The following SMOC1 variants were observed in gnomAD, a reference collection of about 807,000 sequenced individuals.
SMOC1 encodes SPARC-related modular calcium-binding protein 1.
A neutral mutation model predicts 56.3 loss-of-function variants in SMOC1; 22 were observed. The observed-to-expected ratio is 0.39, with a 90% CI of 0.28 to 0.56. The LOEUF is 0.56. Among genes scored for constraint, SMOC1 ranks in the 20% least tolerant of loss-of-function variants. The pLI is 0.61. For synonymous variants in SMOC1, 193 were observed against 215.0 expected, an observed-to-expected ratio of 0.90 and a Z score of 0.89; for missense variants, 509 against 565.4, an observed-to-expected ratio of 0.90 and a Z score of 1.01.
intron 3 of SMOC1, among the ~76,000 whole-genome samples, chr14:69,954,643 C>G (rs1467705323): frequency 6.6e-6 from 1 of 152,116 alleles, no homozygotes; most frequent in Non-Finnish European, 1.5e-5. Flanking sequence ...AAGGTGCTGT[C>G]CTGATGAAAG....
intron 10 of SMOC1, among the ~76,000 whole-genome samples, chr14:70,022,682 CTG>C (rs1885770435): frequency 6.6e-6 from 1 of 152,234 alleles, no homozygotes; most frequent in African/African-American, 2.4e-5. Flanking sequence ...CTTTTTGGCT[CTG>C]TCTCATAGAG....
rs1883568480 is a variant in SMOC1 at position 69,879,475 on chromosome 14, C to T, written c.-204C>T. 8 of 415,206 alleles carry T rather than the reference C, an allele frequency of 1.9e-5. No individual in the cohort carries two copies. In the South Asian group the frequency reaches 5.4e-4, roughly 28 times the overall value. The allele number at this position is 415,206 out of a possible 1,614,324, so 25.7% of individuals were successfully genotyped here. ...AGCGGAGCTAGCGCCGCGCGCAGAG[C>T]ACACGCTCGCGCTCCAGCTCCCCTC... On this transcript the variant is annotated 5_prime_UTR_variant, in exon 1 of 12. Coordinates refer to ENST00000361956, the MANE Select transcript of SMOC1 (RefSeq NM_001034852.3).
intron 7 of SMOC1, among the ~76,000 whole-genome samples, chr14:70,008,886 C>T (rs1885237025): frequency 1.3e-5 from 2 of 152,168 alleles, no homozygotes; most frequent in African/African-American, 4.8e-5. Flanking sequence ...CTTGCATAAT[C>T]CCCTTGAAGT....
intron 11 of SMOC1, among the ~76,000 whole-genome samples, chr14:70,029,978 G>A (rs557113463): frequency 3.3e-5 from 5 of 152,242 alleles, no homozygotes; most frequent in Admixed American, 6.5e-5. Flanking sequence ...GCCAAGCCTC[G>A]TTCTCTCCAA....
At chr14:69,951,387 C>A (rs1021366455) in intron 1 of SMOC1, among the ~76,000 whole-genome samples, 2 of 152,110 alleles carry the variant, frequency 1.3e-5, no homozygotes, top group Non-Finnish European at 1.5e-5. Context: ...ATTTACTATG[C>A]GTCTTGGAGG....
intron 1 of SMOC1, among the ~76,000 whole-genome samples, chr14:69,942,369 T>G (rs1176409419): frequency 6.6e-6 from 1 of 152,206 alleles, no homozygotes; most frequent in Non-Finnish European, 1.5e-5. Context: ...AAAGCAAACA[T>G]TCTTTGGAAT....
intron 3 of SMOC1, among the ~76,000 whole-genome samples, chr14:69,956,326 A>G (rs1042968088): frequency 6.6e-6 from 1 of 152,146 alleles, no homozygotes; most frequent in Non-Finnish European, 1.5e-5. Flanking sequence ...GATCAAAGAC[A>G]CTGCAATAAC....
chr14:70,027,200 G>A (rs1026292891), intron 11 of SMOC1, among the ~76,000 whole-genome samples: 1 of 152,218 alleles, frequency 6.6e-6, no homozygotes, highest in Non-Finnish European at 1.5e-5. Context: ...AGCCCAGAGA[G>A]GAGTAGCGAT....
intron 3 of SMOC1, among the ~76,000 whole-genome samples, chr14:69,960,833 G>A (rs999882043): frequency 1.3e-5 from 2 of 152,024 alleles, no homozygotes; most frequent in Non-Finnish European, 1.5e-5. Context: ...AGTTGAACTC[G>A]TTCAGAGGTT....
At chr14:69,887,068 G>A (rs1156928211) in intron 1 of SMOC1, among the ~76,000 whole-genome samples, 1 of 152,122 alleles carries the variant, frequency 6.6e-6, no homozygotes, top group African/African-American at 2.4e-5. Context: ...TGCCTGGAAA[G>A]AGCCCAGATG....
At chr14:69,975,530 A>G (rs1883915869) in intron 3 of SMOC1, among the ~76,000 whole-genome samples, 185 bp from the exon 4 acceptor site, 1 of 152,230 alleles carries the variant, frequency 6.6e-6, no homozygotes, top group South Asian at 2.1e-4. Context: ...TCCCACAGCA[A>G]CCATGTACCC....
At chr14:69,978,323 C>A (rs897085560) in intron 5 of SMOC1, among the ~76,000 whole-genome samples, 3 of 152,218 alleles carry the variant, frequency 2.0e-5, no homozygotes, top group Non-Finnish European at 4.4e-5. Context: ...GTGCCCAAGT[C>A]TGCCCTTGGC....
rs143160944 is a variant in SMOC1 at position 69,905,856 on chromosome 14, G to A, written c.99+26079G>A. Among the ~76,000 whole-genome samples, 213 of 152,336 alleles carry A rather than the reference G, an allele frequency of 1.4e-3. 1 individual carries two copies. The highest frequency in any genetic ancestry group is 5.0e-3 in the African/African-American group (207 of 41,568). On this transcript the variant is annotated intron_variant, in intron 1 of 11. Coordinates refer to ENST00000361956, the MANE Select transcript of SMOC1 (RefSeq NM_001034852.3). The stretch of plus-strand genomic sequence containing the variant: ...GTACAGAAAGAGAAGCAGACTTGAT[G>A]AGGGGCCAAGAAGGATTGTTTTGGA...
At position 70,017,563 on chromosome 14, in the gene SMOC1, G is replaced by C. The variant is rs909009276; in HGVS notation, c.1046+4072G>C. On this transcript the variant is annotated intron_variant, in intron 10 of 11. Transcript: ENST00000361956. ...GACATCAGCTGGGGCCAGGGAAACA[G>C]TCTCACTTGGGGACAGTGGGAAAAA... Among the ~76,000 whole-genome samples, 5 of 152,206 alleles carry C rather than the reference G, an allele frequency of 3.3e-5. No homozygotes were observed. In the East Asian group the frequency reaches 9.6e-4, roughly 29 times the overall value.
chr14:69,916,543 C>T (rs1287378326), intron 1 of SMOC1, among the ~76,000 whole-genome samples: 1 of 152,228 alleles, frequency 6.6e-6, no homozygotes, highest in Non-Finnish European at 1.5e-5. Context: ...TCTGATCTGA[C>T]CTGAAGCTGC....
At chr14:69,992,563 A>T in intron 6 of SMOC1, 90 bp downstream of exon 6, 2 of 998,976 alleles carry the variant, frequency 2.0e-6, no homozygotes, top group Non-Finnish European at 3.1e-6. Context: ...TTTAAGTTTT[A>T]TTATTATTAT....
chr14:69,970,661 G>T (rs1883728595), intron 3 of SMOC1, among the ~76,000 whole-genome samples: 1 of 152,160 alleles, frequency 6.6e-6, no homozygotes, highest in Admixed American at 6.5e-5. Flanking sequence ...GGTGATAGTT[G>T]TCTATATGTG....
intron 3 of SMOC1, among the ~76,000 whole-genome samples, chr14:69,964,927 A>G (rs1051033004): frequency 3.9e-5 from 6 of 152,086 alleles, no homozygotes; most frequent in African/African-American, 1.4e-4. Flanking sequence ...CCTAACCATG[A>G]TTCCACACTG....
chr14:69,946,080 G>A (rs1055767869), intron 1 of SMOC1, among the ~76,000 whole-genome samples: 2 of 152,166 alleles, frequency 1.3e-5, no homozygotes, highest in African/African-American at 4.8e-5. Context: ...TATTGTCATG[G>A]AAACTTGGCA....
Sources: allele counts gnomAD v4.1 joint callset (sites outside exome capture counted in the v4.1 genomes callset), GRCh38; gene constraint gnomAD v4.1.1; transcripts MANE v1.5; gene names NCBI Gene and HGNC (gene_info 2026-07-23, HGNC 2026-07-21).